The following ATF7IP variants were observed in gnomAD, a reference collection of about 807,000 sequenced individuals.
The protein encoded by ATF7IP is activating transcription factor 7-interacting protein 1.
ATF7IP carries 23 observed loss-of-function variants against 106.4 expected under a neutral mutation model. That is an observed-to-expected ratio of 0.22 (90% CI 0.16 to 0.31). ATF7IP has a LOEUF of 0.31. ATF7IP is among the 10% of genes least tolerant of loss of function. The pLI is 1.00. For synonymous variants in ATF7IP, 542 were observed against 539.0 expected (o/e 1.01, Z -0.08); for missense variants, 1,334 against 1,524.3 (o/e 0.88, Z 2.08).
chr12:14,469,176 G>A (rs1196659152), intron 10 of ATF7IP, among the ~76,000 whole-genome samples: 2 of 151,906 alleles, frequency 1.3e-5, no homozygotes, highest in Non-Finnish European at 2.9e-5. Flanking sequence ...TTCGAGACCA[G>A]GCTGGCCAAC....
At chr12:14,476,424 A>G (rs1448852719) in intron 11 of ATF7IP, 2 of 151,972 alleles carry the variant, frequency 1.3e-5, no homozygotes, top group African/African-American at 4.8e-5. Flanking sequence ...AAAAAAAAAA[A>G]AAAAAAAAAA....
chr12:14,455,575 T>C (rs1441232326), intron 6 of ATF7IP, among the ~76,000 whole-genome samples: 1 of 152,122 alleles, frequency 6.6e-6, no homozygotes, highest in Non-Finnish European at 1.5e-5. Flanking sequence ...AGATATTTTA[T>C]TCTTCCATTT....
chr12:14,383,079 A>G (rs1037078233), intron 1 of ATF7IP, among the ~76,000 whole-genome samples: 1 of 152,206 alleles, frequency 6.6e-6, no homozygotes, highest in African/African-American at 2.4e-5. Context: ...AACAGAACCA[A>G]TGTGTGAAGG....
intron 1 of ATF7IP, among the ~76,000 whole-genome samples, chr12:14,413,068 C>T (rs1306273542): frequency 6.6e-6 from 1 of 152,294 alleles, no homozygotes; most frequent in African/African-American, 2.4e-5. Context: ...CCTAATTCTC[C>T]TGGCTAGAAC....
intron 9 of ATF7IP, among the ~76,000 whole-genome samples, chr12:14,464,417 C>CT (rs1943752228): frequency 6.6e-6 from 1 of 152,156 alleles, no homozygotes; most frequent in African/African-American, 2.4e-5. Flanking sequence ...AAGTGTTTGC[C>CT]TTTTTTCTGT....
chr12:14,429,399 C>T (rs985548017), intron 2 of ATF7IP, among the ~76,000 whole-genome samples: 1 of 152,048 alleles, frequency 6.6e-6, no homozygotes, highest in Non-Finnish European at 1.5e-5. Flanking sequence ...TAGGCCTCCT[C>T]CACGTGCTTT....
intron 10 of ATF7IP, among the ~76,000 whole-genome samples, chr12:14,475,500 A>G (rs777547246): frequency 1.1e-4 from 17 of 152,218 alleles, no homozygotes; most frequent in Admixed American, 3.3e-4. Context: ...ATTATTTTCT[A>G]TAACCCAATT....
chr12:14,405,237 A>G (rs1345858765), intron 1 of ATF7IP, among the ~76,000 whole-genome samples: 1 of 152,106 alleles, frequency 6.6e-6, no homozygotes, highest in East Asian at 1.9e-4. Context: ...TAGAATTATA[A>G]ATAGAATTGG....
chr12:14,498,204 A>C lies in ATF7IP; in HGVS notation c.*131A>C, dbSNP rs1335773518. On this transcript the variant is annotated 3_prime_UTR_variant, in exon 15 of 15. Transcript: ENST00000261168. ...TTGGACAGATGTGTGTATACACTAC[A>C]TTTGTTTATAACCAGAAGCAAAATA... The C allele has an allele frequency of 2.4e-6, 2 of 839,806 alleles. No individual in the cohort carries two copies. The highest frequency in any genetic ancestry group is 1.9e-5 in the South Asian group (1 of 52,334). 52.0% of individuals were successfully genotyped at this position (839,806 alleles called of 1,614,324 possible).
chr12:14,381,626 GT>G (rs1434085772), intron 1 of ATF7IP, among the ~76,000 whole-genome samples: 2 of 152,002 alleles, frequency 1.3e-5, no homozygotes, highest in Non-Finnish European at 2.9e-5. Context: ...GTGGGATTAG[GT>G]GTTTTTGGTT....
chr12:14,417,743 G>A (rs1189400137), intron 1 of ATF7IP, among the ~76,000 whole-genome samples: 1 of 152,124 alleles, frequency 6.6e-6, no homozygotes, highest in Non-Finnish European at 1.5e-5. Context: ...TGCGTGTTAC[G>A]TGGATTTAGG....
chr12:14,417,633 T>TTA (rs1941270482), intron 1 of ATF7IP, among the ~76,000 whole-genome samples: 1 of 152,170 alleles, frequency 6.6e-6, no homozygotes, highest in African/African-American at 2.4e-5. Context: ...GGAAATTAAT[T>TTA]TATATTAATG....
intron 1 of ATF7IP, among the ~76,000 whole-genome samples, chr12:14,372,460 CA>C (rs11431179): frequency 3.5e-3 from 423 of 121,316 alleles, no homozygotes; most frequent in Middle Eastern, 8.1e-3. Flanking sequence ...AGCCACTTTT[CA>C]AAAAAAAAAA....
intron 1 of ATF7IP, among the ~76,000 whole-genome samples, chr12:14,373,859 T>G (rs1453383389): frequency 6.6e-6 from 1 of 152,078 alleles, no homozygotes; most frequent in African/African-American, 2.4e-5. Flanking sequence ...TCTTCCCCTC[T>G]CTGCTTGCCG....
In ATF7IP at chr12:14,423,974, T is replaced by G; in HGVS notation, c.59T>G (p.Val20Gly). 6.2e-7 allele frequency: 1 copy of G among 1,613,412 alleles called. No homozygotes were observed. The highest frequency in any genetic ancestry group is 8.5e-7 in the Non-Finnish European group (1 of 1,179,790). Reference sequence around the variant, plus strand: ...TTTAAGGCTCGAAAAACGATGAGAGTGAGTGATCGTCAGCAACTTGAAGCA... The same window carrying G: ...TTTAAGGCTCGAAAAACGATGAGAGGGAGTGATCGTCAGCAACTTGAAGCA... The part of the protein sequence containing the change: ...KVFKARKTMR[V>G]SDRQQLEAVY... The change falls in exon 2 of 15, where the codon GTG becomes GGG. Residue 20 changes from valine (V) to glycine (G), a missense_variant. Physicochemically the swap from Val to Gly is moderately radical, Grantham distance 109. Coordinates refer to ENST00000261168, the MANE Select transcript of ATF7IP (RefSeq NM_018179.5).
At chr12:14,495,112 C>T (rs1944973128) in intron 13 of ATF7IP, among the ~76,000 whole-genome samples, 1 of 152,082 alleles carries the variant, frequency 6.6e-6, no homozygotes, top group African/African-American at 2.4e-5. Context: ...CTCTCCTTTT[C>T]ACGTTTTTCT....
At chr12:14,372,296 G>A (rs1938564281) in intron 1 of ATF7IP, among the ~76,000 whole-genome samples, 1 of 152,054 alleles carries the variant, frequency 6.6e-6, no homozygotes, top group Admixed American at 6.6e-5. Context: ...AAACCATTTT[G>A]TATTGGAGAC....
chr12:14,430,176 G>A (rs73058754), intron 2 of ATF7IP, among the ~76,000 whole-genome samples: 11,810 of 151,794 alleles, frequency 0.078, 623 homozygotes, highest in Admixed American at 0.14. Flanking sequence ...AGATTTTGGT[G>A]TTTCAGAGAT....
chr12:14,481,103 T>A lies in ATF7IP; in HGVS notation c.3198T>A (p.Thr1066=). 1 of 1,614,062 alleles carries A rather than the reference T, an allele frequency of 6.2e-7. No individual in the cohort carries two copies. Among genetic ancestry groups the A allele is most frequent in the Non-Finnish European group, 8.5e-7 (1 of 1,179,978 alleles). The change falls in exon 13 of 15, where the codon ACT becomes ACA. Residue 1066 remains threonine (T), a synonymous_variant. Transcript: ENST00000261168. ...APANHQVVYT[T]LPAPPAQAPL... ...CAAACCACCAGGTGGTTTATACAAC[T>A]CTTCCTGCACCACCAGCTCAGGCTC...
Sources: gnomAD v4.1 joint callset for allele counts (sites outside exome capture counted in the v4.1 genomes callset) on GRCh38, gnomAD v4.1.1 for gene constraint, MANE v1.5 for transcripts, NCBI Gene and HGNC (gene_info 2026-07-23, HGNC 2026-07-21) for gene names.